Variants in LRRC4C observed in about 807,000 individuals in gnomAD.
The protein encoded by LRRC4C is leucine rich repeat containing 4C, also known as leucine-rich repeat-containing protein 4C.
In LRRC4C, 5 loss-of-function variants were observed where a neutral mutation model predicts 33.6. The ratio of observed to expected loss-of-function variants is 0.15; its 90% CI spans 0.08 to 0.31. The LOEUF is 0.31. Ranked by LOEUF, LRRC4C falls within the 10% of genes least tolerant of loss-of-function variation. The pLI is 1.00. For synonymous variants in LRRC4C, 329 were observed against 302.0 expected (o/e 1.09, Z -0.93); for missense variants, 560 against 796.7 (o/e 0.70, Z 3.58).
intron 1 of LRRC4C, among the ~76,000 whole-genome samples, chr11:41,257,410 C>T (rs949790073): frequency 6.6e-6 from 1 of 151,890 alleles, no homozygotes; most frequent in Admixed American, 6.6e-5. Context: ...GCACACTTAA[C>T]TTGGTTAATT....
intron 1 of LRRC4C, among the ~76,000 whole-genome samples, chr11:41,435,614 T>C (rs1253231550): frequency 6.6e-6 from 1 of 152,216 alleles, no homozygotes; most frequent in Non-Finnish European, 1.5e-5. Context: ...CGGAAACTTA[T>C]GTCATAAGAA....
At chr11:41,266,585 A>G (rs1308879642) in intron 1 of LRRC4C, among the ~76,000 whole-genome samples, 4 of 152,162 alleles carry the variant, frequency 2.6e-5, no homozygotes, top group Non-Finnish European at 5.9e-5. Flanking sequence ...AGACAAAATT[A>G]AAGAGAATGA....
At chr11:40,165,411 C>T (rs1427268521) in intron 5 of LRRC4C, among the ~76,000 whole-genome samples, 3 of 151,956 alleles carry the variant, frequency 2.0e-5, no homozygotes, top group Admixed American at 1.3e-4. Flanking sequence ...GTCTGTTTGT[C>T]TGTGTGTACA....
chr11:41,105,327 T>A (rs1386801293), intron 1 of LRRC4C, among the ~76,000 whole-genome samples: 3 of 152,124 alleles, frequency 2.0e-5, no homozygotes, highest in Non-Finnish European at 4.4e-5. Context: ...TCCAAAAAAA[T>A]TCTACTGCAC....
rs190348832 is a variant in LRRC4C at position 41,033,753 on chromosome 11, C to A, written c.-495-100030G>T. Among the ~76,000 whole-genome samples, 444 of 152,044 alleles carry A rather than the reference C, an allele frequency of 2.9e-3. 3 individuals carry two copies. The highest frequency in any genetic ancestry group is 0.01 in the African/African-American group (429 of 41,490). On this transcript the variant is annotated intron_variant, in intron 1 of 6. Transcript: ENST00000528697. ...CAATCACATTAAAATGTACCAATAT[C>A]CCACATTAAAGATAATGTGTAAATA...
Position 41,013,025 on chromosome 11 carries a change from G to A in LRRC4C, c.-495-79302C>T, listed in dbSNP as rs374718073. On this transcript the variant is annotated intron_variant, in intron 1 of 6. Transcript: ENST00000528697. ...TCACCCATATTTCTGAAGATTCTGTGAGTTGTCTCTTCACTTTGTGCACTT... is the reference window on the plus strand; with the variant it reads ...TCACCCATATTTCTGAAGATTCTGTAAGTTGTCTCTTCACTTTGTGCACTT... Among the ~76,000 whole-genome samples, 20 of 152,186 alleles carry A rather than the reference G, an allele frequency of 1.3e-4. No individual in the cohort carries two copies. In the South Asian group the frequency reaches 3.7e-3, roughly 28 times the overall value.
chr11:40,718,698 T>C (rs1231179201), intron 2 of LRRC4C, among the ~76,000 whole-genome samples: 1 of 152,198 alleles, frequency 6.6e-6, no homozygotes, highest in Non-Finnish European at 1.5e-5. Flanking sequence ...ACTTCTGGAA[T>C]AAGCAAGCGC....
At chr11:41,029,673 T>G (rs1451326757) in intron 1 of LRRC4C, among the ~76,000 whole-genome samples, 1 of 151,844 alleles carries the variant, frequency 6.6e-6, no homozygotes, top group Non-Finnish European at 1.5e-5. Context: ...TATCTACTGT[T>G]TGTAGAACAG....
intron 3 of LRRC4C, among the ~76,000 whole-genome samples, chr11:40,489,531 A>T (rs1954040209): frequency 6.6e-6 from 1 of 152,062 alleles, no homozygotes; most frequent in Non-Finnish European, 1.5e-5. Context: ...TATATATATG[A>T]GTTTATCCTT....
chr11:40,976,415 G>A (rs1311186178), intron 1 of LRRC4C, among the ~76,000 whole-genome samples: 1 of 152,202 alleles, frequency 6.6e-6, no homozygotes, highest in Non-Finnish European at 1.5e-5. Flanking sequence ...GGCATTTTCA[G>A]TGATGCCACA....
At chr11:40,829,143 A>G (rs901639394) in intron 2 of LRRC4C, among the ~76,000 whole-genome samples, 1 of 152,024 alleles carries the variant, frequency 6.6e-6, no homozygotes, top group South Asian at 2.1e-4. Context: ...CTTGTTTTGA[A>G]GAATTCTGCT....
chr11:40,530,139 C>T (rs1283314854), intron 3 of LRRC4C, among the ~76,000 whole-genome samples: 9 of 151,900 alleles, frequency 5.9e-5, no homozygotes, highest in African/African-American at 1.5e-4. Context: ...AAAACAAATG[C>T]CCAGAATTCA....
intron 1 of LRRC4C, among the ~76,000 whole-genome samples, chr11:41,328,905 C>G (rs887128600): frequency 6.6e-6 from 1 of 152,096 alleles, no homozygotes; most frequent in Non-Finnish European, 1.5e-5. Context: ...AAAACTGAGT[C>G]CCATAAGTTT....
chr11:41,063,488 A>G (rs181601538), intron 1 of LRRC4C, among the ~76,000 whole-genome samples: 30 of 152,324 alleles, frequency 2.0e-4, no homozygotes, highest in African/African-American at 7.2e-4. Flanking sequence ...CAGAGAAGGC[A>G]CTATAGATAG....
At chr11:40,959,464 T>C (rs1460452575) in intron 1 of LRRC4C, among the ~76,000 whole-genome samples, 7 of 151,630 alleles carry the variant, frequency 4.6e-5, no homozygotes, top group South Asian at 2.1e-4. Context: ...CATAAAAATG[T>C]ATTGCGTATC....
At chr11:41,085,715 T>C (rs1379938466) in intron 1 of LRRC4C, among the ~76,000 whole-genome samples, 1 of 151,982 alleles carries the variant, frequency 6.6e-6, no homozygotes, top group African/African-American at 2.4e-5. Context: ...CAGAAATCAA[T>C]GGCATTAGCA....
Position 41,361,989 on chromosome 11 carries a change from TAC to T in LRRC4C, c.-496+97440_-496+97441del, listed in dbSNP as rs371291577. Among the ~76,000 whole-genome samples the T allele has an allele frequency of 2.1e-3, 320 of 152,324 alleles. 1 individual carries two copies. The highest frequency in any genetic ancestry group is 7.2e-3 in the African/African-American group (301 of 41,576). On this transcript the variant is annotated intron_variant, in intron 1 of 6. Coordinates refer to ENST00000528697, the MANE Select transcript of LRRC4C (RefSeq NM_001258419.2). ...TGCTACTATTCATGGCATAATAAGA[TAC>T]ACACATATACATATACAAACTTGTC... is the stretch of plus-strand genomic sequence containing the variant.
At chr11:40,898,152 C>T (rs1013514972) in intron 2 of LRRC4C, among the ~76,000 whole-genome samples, 13 of 151,628 alleles carry the variant, frequency 8.6e-5, no homozygotes, top group Non-Finnish European at 1.6e-4. Flanking sequence ...GTCGGGAGTT[C>T]GAGATCAGTT....
At chr11:41,202,320 A>G (rs919993500) in intron 1 of LRRC4C, among the ~76,000 whole-genome samples, 1 of 152,208 alleles carries the variant, frequency 6.6e-6, no homozygotes, top group Non-Finnish European at 1.5e-5. Flanking sequence ...TCTCTGCATT[A>G]TGTACCCACA....
Sources: allele counts gnomAD v4.1 joint callset (sites outside exome capture counted in the v4.1 genomes callset), GRCh38; gene constraint gnomAD v4.1.1; transcripts MANE v1.5; gene names NCBI Gene and HGNC (gene_info 2026-07-23, HGNC 2026-07-21).